The following MEP1A variants were observed in gnomAD, a reference collection of about 807,000 sequenced individuals.
MEP1A encodes N-benzoyl-L-tyrosyl-P-amino-benzoic acid hydrolase subunit alpha.
MEP1A carries 68 observed loss-of-function variants against 84.5 expected under a neutral mutation model. The ratio of observed to expected loss-of-function variants is 0.80; its 90% CI spans 0.66 to 0.98. The LOEUF (loss-of-function observed/expected upper bound fraction) is 0.98. Ranked by LOEUF, MEP1A falls within the 50% of genes least tolerant of loss-of-function variation. MEP1A has a pLI of 0.00. For synonymous variants in MEP1A, 337 were observed against 336.8 expected (o/e 1.00, Z -0.01); for missense variants, 887 against 919.9 (o/e 0.96, Z 0.46).
At position 46,819,661 on chromosome 6, in the gene MEP1A, C is replaced by A. The variant is rs1361002302; in HGVS notation, c.513C>A (p.Asp171Glu). ...LGFYHEQSRTDRDDYVNIWWD... is the reference protein window; with the variant it reads ...LGFYHEQSRTERDDYVNIWWD... ...TTTACCACGAGCAGTCAAGGACGGA[C>A]CGGGATGATTATGTGAACATCTGGT... The change falls in exon 7 of 14, where the codon GAC (aspartate) becomes GAA (glutamate). Residue 171 changes from aspartate to glutamate, a missense_variant. Coordinates refer to ENST00000230588, the MANE Select transcript of MEP1A (RefSeq NM_005588.3). 6.2e-7 allele frequency: 1 copy of A among 1,614,044 alleles called. No homozygotes were observed. Among genetic ancestry groups the A allele is most frequent in the African/African-American group, 1.3e-5 (1 of 75,004 alleles).
chr6:46,801,708 T>C (rs1212469053), intron 5 of MEP1A, among the ~76,000 whole-genome samples: 1 of 152,078 alleles, frequency 6.6e-6, no homozygotes, highest in Non-Finnish European at 1.5e-5. Flanking sequence ...CACAAAGATA[T>C]ATTCCAATAT....
chr6:46,824,661 T>C (rs1478028241), intron 7 of MEP1A, among the ~76,000 whole-genome samples: 1 of 129,474 alleles, frequency 7.7e-6, no homozygotes, highest in Non-Finnish European at 1.5e-5. Flanking sequence ...ATTTATATAA[T>C]GTATTTAAAT....
Position 46,833,518 on chromosome 6 carries a change from C to T in MEP1A, c.1589C>T (p.Ser530Leu), listed in dbSNP as rs748582559. The T allele has an allele frequency of 1.5e-5, 24 of 1,613,724 alleles. No homozygotes were observed. The highest frequency in any genetic ancestry group is 8.3e-5 in the Admixed American group (5 of 60,002). ...RMSSSMVFTT[S>L]KSHTSPAIND... Reference sequence around the variant, plus strand: ...TCCTCAAGCATGGTGTTCACTACCTCGAAGTCGCACACATCTCCAGGTGGG... The same window carrying T: ...TCCTCAAGCATGGTGTTCACTACCTTGAAGTCGCACACATCTCCAGGTGGG... The change falls in exon 11 of 14, where the codon TCG becomes TTG. Residue 530 changes from serine (S) to leucine (L), a missense_variant. Coordinates refer to ENST00000230588, the MANE Select transcript of MEP1A (RefSeq NM_005588.3).
chr6:46,797,794 C>T (rs867520360), intron 3 of MEP1A, among the ~76,000 whole-genome samples: 42 of 13,162 alleles, frequency 3.2e-3, no homozygotes, highest in African/African-American at 0.022. Context: ...CTTTCTTTCT[C>T]TTTCTTTCTT....
chr6:46,824,207 A>G (rs941235808), intron 7 of MEP1A, among the ~76,000 whole-genome samples: 14 of 152,050 alleles, frequency 9.2e-5, no homozygotes, highest in Admixed American at 2.6e-4. Flanking sequence ...GTCATTTGGA[A>G]TACCTTCCTC....
intron 7 of MEP1A, among the ~76,000 whole-genome samples, chr6:46,820,581 T>G (rs909439787): frequency 2.6e-5 from 4 of 152,154 alleles, no homozygotes; most frequent in African/African-American, 9.7e-5. Context: ...AGAGATGGGA[T>G]TTCATCATGT....
At chr6:46,834,403 C>T (rs925745174) in intron 11 of MEP1A, among the ~76,000 whole-genome samples, 175 bp from the exon 12 acceptor site, 1 of 151,438 alleles carries the variant, frequency 6.6e-6, no homozygotes, top group Non-Finnish European at 1.5e-5. Flanking sequence ...TAGTAAATAG[C>T]CTAATTTTTT....
At chr6:46,796,962 A>C (rs955644840) in intron 3 of MEP1A, among the ~76,000 whole-genome samples, 7 of 152,226 alleles carry the variant, frequency 4.6e-5, no homozygotes, top group African/African-American at 1.7e-4. Flanking sequence ...TGATGTCATT[A>C]CTGTTTGTGG....
At chr6:46,809,330 T>C in intron 5 of MEP1A, 90 bp from the exon 6 acceptor site, 1 of 785,062 alleles carries the variant, frequency 1.3e-6, no homozygotes, top group South Asian at 2.2e-5. Context: ...GTGGATTTAA[T>C]GTGGCAGCAT....
At chr6:46,822,564 G>C (rs113636845) in intron 7 of MEP1A, among the ~76,000 whole-genome samples, 1 of 152,078 alleles carries the variant, frequency 6.6e-6, no homozygotes, top group Admixed American at 6.6e-5. Context: ...TTTGTTTTGA[G>C]ACAGAGCCTT....
chr6:46,833,632 A>C (rs552958031), intron 11 of MEP1A, 94 bp downstream of exon 11: 2 of 922,400 alleles, frequency 2.2e-6, no homozygotes, highest in African/African-American at 3.3e-5. Flanking sequence ...CGTTCTCCTC[A>C]CATTGTCTGT....
intron 6 of MEP1A, among the ~76,000 whole-genome samples, chr6:46,810,386 C>A (rs986958185): frequency 6.6e-6 from 1 of 151,914 alleles, no homozygotes; most frequent in Non-Finnish European, 1.5e-5. Flanking sequence ...TGGATGTATA[C>A]ATTGTGAAAA....
chr6:46,824,421 TTAAC>T (rs1767852567), intron 7 of MEP1A, among the ~76,000 whole-genome samples: 1 of 146,678 alleles, frequency 6.8e-6, no homozygotes, highest in Non-Finnish European at 1.5e-5. Context: ...TATTAATATA[TTAAC>T]TAATATTAAT....
intron 9 of MEP1A, 68 bp from the exon 10 acceptor site, chr6:46,829,288 T>C: frequency 7.6e-7 from 1 of 1,315,300 alleles, no homozygotes; most frequent in Non-Finnish European, 1.1e-6. Flanking sequence ...TATTTCACTT[T>C]GTTTGGGTGG....
In MEP1A at chr6:46,800,250, A is replaced by G. The variant is rs559256192; in HGVS notation, c.262+1069A>G. Among the ~76,000 whole-genome samples, 3 of 152,356 alleles carry G rather than the reference A, an allele frequency of 2.0e-5. No individual in the cohort carries two copies. In the East Asian group the frequency reaches 5.8e-4, roughly 29 times the overall value. On this transcript the variant is annotated intron_variant, in intron 5 of 13. Coordinates refer to ENST00000230588, the MANE Select transcript of MEP1A (RefSeq NM_005588.3). The stretch of plus-strand genomic sequence containing the variant: ...CATCTGCACCACCCTATTATGTGCC[A>G]GGCTCTGTGCCTTCATCTGATATTT...
chr6:46,814,999 T>C (rs1261642331), intron 6 of MEP1A, among the ~76,000 whole-genome samples: 1 of 152,194 alleles, frequency 6.6e-6, no homozygotes, highest in African/African-American at 2.4e-5. Context: ...TTTTGTTTAG[T>C]GTGCTGGTTT....
chr6:46,804,206 G>GATGACAA (rs370205725), intron 5 of MEP1A, among the ~76,000 whole-genome samples: 76 of 151,584 alleles, frequency 5.0e-4, no homozygotes, highest in African/African-American at 1.8e-3. Flanking sequence ...CAGATTTGTT[G>GATGACAA]ATGACAAATT....
chr6:46,812,564 G>A (rs1290736859), intron 6 of MEP1A, among the ~76,000 whole-genome samples: 2 of 151,916 alleles, frequency 1.3e-5, no homozygotes, highest in African/African-American at 4.8e-5. Flanking sequence ...ACCTTAGATT[G>A]TCTATTTGTG....
chr6:46,826,539 T>G, intron 9 of MEP1A, 36 bp downstream of exon 9: 1 of 1,422,418 alleles, frequency 7.0e-7, no homozygotes, highest in East Asian at 2.6e-5. Flanking sequence ...ATTGATGTGG[T>G]TCACCAGGTT....
Sources: gnomAD v4.1 joint callset for allele counts (sites outside exome capture counted in the v4.1 genomes callset) on GRCh38, gnomAD v4.1.1 for gene constraint, MANE v1.5 for transcripts, NCBI Gene and HGNC (gene_info 2026-07-23, HGNC 2026-07-21) for gene names.